The following GRIN2A variants were observed in gnomAD, a reference collection of about 807,000 sequenced individuals.
GRIN2A encodes glutamate receptor ionotropic, NMDA 2A.
In GRIN2A, 22 loss-of-function variants were observed where a neutral mutation model predicts 113.4. The ratio of observed to expected loss-of-function variants is 0.19; its 90% CI spans 0.14 to 0.28. The LOEUF is 0.28. Ranked by LOEUF, GRIN2A falls within the 10% of genes least tolerant of loss-of-function variation. The pLI is 1.00. For synonymous variants in GRIN2A, 827 were observed against 738.4 expected, an observed-to-expected ratio of 1.12 and a Z score of -1.94; for missense variants, 1,502 against 1,887.0, an observed-to-expected ratio of 0.80 and a Z score of 3.78.
chr16:10,107,576 G>T (rs2048523667), intron 2 of GRIN2A, among the ~76,000 whole-genome samples: 1 of 152,180 alleles, frequency 6.6e-6, no homozygotes, highest in African/African-American at 2.4e-5. Flanking sequence ...TTGCAGACCA[G>T]GGCTGAAGGA....
intron 2 of GRIN2A, among the ~76,000 whole-genome samples, chr16:10,086,960 G>A (rs1371633056): frequency 6.6e-6 from 1 of 152,210 alleles, no homozygotes; most frequent in African/African-American, 2.4e-5. Context: ...GTTTTCTCTT[G>A]AGCATGAATG....
chr16:10,149,509 G>T (rs2049522355), intron 2 of GRIN2A, among the ~76,000 whole-genome samples: 1 of 152,118 alleles, frequency 6.6e-6, no homozygotes, highest in Non-Finnish European at 1.5e-5. Context: ...TTTTAAAGTT[G>T]ATTAAATAAA....
chr16:9,790,046 T>A (rs528624737), intron 11 of GRIN2A, among the ~76,000 whole-genome samples: 19 of 152,288 alleles, frequency 1.2e-4, no homozygotes, highest in African/African-American at 4.6e-4. Flanking sequence ...AAAGCACATG[T>A]TTTGGAGTCC....
chr16:9,833,405 G>A (rs1229293214), intron 8 of GRIN2A, among the ~76,000 whole-genome samples: 2 of 152,190 alleles, frequency 1.3e-5, no homozygotes, highest in Non-Finnish European at 2.9e-5. Flanking sequence ...TCAGTAGTTT[G>A]AGGAATGTTC....
At chr16:9,957,412 T>G (rs1357338457) in intron 2 of GRIN2A, among the ~76,000 whole-genome samples, 4 of 152,234 alleles carry the variant, frequency 2.6e-5, no homozygotes, top group Non-Finnish European at 5.9e-5. Flanking sequence ...CTTTCACTTC[T>G]GCGAGCACTC....
chr16:10,179,692 C>T, intron 2 of GRIN2A: 2 of 471,990 alleles, frequency 4.2e-6, no homozygotes, highest in Non-Finnish European at 7.8e-6. Context: ...AATCTCCAAA[C>T]ATGCCACCAC....
intron 3 of GRIN2A, among the ~76,000 whole-genome samples, chr16:9,926,194 C>T (rs767206233): frequency 6.6e-6 from 1 of 152,192 alleles, no homozygotes; most frequent in Admixed American, 6.5e-5. Context: ...AACTCAAATT[C>T]TCACCTGTAA....
At chr16:9,960,223 A>G (rs75971326) in intron 2 of GRIN2A, among the ~76,000 whole-genome samples, 3 of 152,216 alleles carry the variant, frequency 2.0e-5, no homozygotes, top group East Asian at 1.9e-4. Context: ...TACTGAATGA[A>G]CTAGATTGCA....
chr16:9,895,176 T>C (rs1446434515), intron 3 of GRIN2A, among the ~76,000 whole-genome samples: 2 of 152,164 alleles, frequency 1.3e-5, no homozygotes, highest in Non-Finnish European at 2.9e-5. Context: ...AGATATGGAC[T>C]AAGTTGTTGG....
chr16:9,857,525 G>A (rs113986275), intron 4 of GRIN2A, among the ~76,000 whole-genome samples: 6 of 152,314 alleles, frequency 3.9e-5, no homozygotes, highest in African/African-American at 1.2e-4. Flanking sequence ...CAGACACAGA[G>A]TAGCAAAGTT....
chr16:9,854,363 C>T (rs1480926628), intron 4 of GRIN2A, among the ~76,000 whole-genome samples: 3 of 151,704 alleles, frequency 2.0e-5, no homozygotes, highest in Non-Finnish European at 2.9e-5. Context: ...AGAAAGCAAA[C>T]AGCATCATCC....
chr16:9,787,186 T>A (rs1024302263), intron 11 of GRIN2A, among the ~76,000 whole-genome samples: 1 of 152,104 alleles, frequency 6.6e-6, no homozygotes, highest in Non-Finnish European at 1.5e-5. Context: ...GCCCTCCCAA[T>A]CTTGAAGAGA....
intron 11 of GRIN2A, among the ~76,000 whole-genome samples, chr16:9,787,592 G>A (rs997718481): frequency 3.3e-5 from 5 of 152,278 alleles, no homozygotes; most frequent in Non-Finnish European, 5.9e-5. Context: ...CCTCACATTT[G>A]GCTCAGAATA....
chr16:10,152,989 C>T (rs2049615346), intron 2 of GRIN2A, among the ~76,000 whole-genome samples: 1 of 152,100 alleles, frequency 6.6e-6, no homozygotes, highest in African/African-American at 2.4e-5. Context: ...TGAAATTACT[C>T]TGTATGTCAC....
intron 2 of GRIN2A, among the ~76,000 whole-genome samples, chr16:9,956,206 T>C (rs2045306006): frequency 6.6e-6 from 1 of 152,246 alleles, no homozygotes; most frequent in Non-Finnish European, 1.5e-5. Context: ...TCCACTGTCC[T>C]GTGGGCTTTC....
chr16:10,079,722 A>G (rs1383740630), intron 2 of GRIN2A, among the ~76,000 whole-genome samples: 3 of 152,228 alleles, frequency 2.0e-5, no homozygotes, highest in African/African-American at 4.8e-5. Context: ...CTACAGAACT[A>G]TAAGAAATAG....
At chr16:9,920,565 A>AT (rs2044339286) in intron 3 of GRIN2A, among the ~76,000 whole-genome samples, 2 of 127,164 alleles carry the variant, frequency 1.6e-5, no homozygotes, top group African/African-American at 6.0e-5. Context: ...ATGTGAATTG[A>AT]ATTTTTTTTT....
intron 2 of GRIN2A, among the ~76,000 whole-genome samples, chr16:10,115,066 C>A (rs2048703712): frequency 6.6e-6 from 1 of 152,224 alleles, no homozygotes; most frequent in South Asian, 2.1e-4. Flanking sequence ...GTTTGCAGCC[C>A]TTGCTGTGCA....
chr16:9,991,054 G>A (rs975904158), intron 2 of GRIN2A, among the ~76,000 whole-genome samples: 1 of 151,792 alleles, frequency 6.6e-6, no homozygotes, highest in African/African-American at 2.4e-5. Flanking sequence ...GTGACAGGGT[G>A]AGACTCTGTC....
Sources: gnomAD v4.1 joint callset for allele counts (sites outside exome capture counted in the v4.1 genomes callset) on GRCh38, gnomAD v4.1.1 for gene constraint, MANE v1.5 for transcripts, NCBI Gene and HGNC (gene_info 2026-07-23, HGNC 2026-07-21) for gene names.